The following SORCS2 variants were observed in gnomAD, a reference collection of about 807,000 sequenced individuals.
SORCS2 encodes the protein sortilin related VPS10 domain containing receptor 2, also known as VPS10 domain-containing receptor SorCS2.
SORCS2 carries 100 observed loss-of-function variants against 141.6 expected under a neutral mutation model. That is an observed-to-expected ratio of 0.71 (90% CI 0.60 to 0.83). The LOEUF is 0.83. Among genes scored for constraint, SORCS2 ranks in the 40% least tolerant of loss-of-function variants. SORCS2 has a pLI of 0.00. For synonymous variants in SORCS2, 789 were observed against 676.9 expected, an observed-to-expected ratio of 1.17 and a Z score of -2.57; for missense variants, 1,646 against 1,560.2, an observed-to-expected ratio of 1.05 and a Z score of -0.93.
intron 1 of SORCS2, among the ~76,000 whole-genome samples, chr4:7,349,714 T>G (rs1453549893): frequency 6.6e-6 from 1 of 152,204 alleles, no homozygotes; most frequent in Non-Finnish European, 1.5e-5. Context: ...GCCCAGGTGC[T>G]GCGGAGGTCC....
chr4:7,245,675 G>A (rs933814117), intron 1 of SORCS2, among the ~76,000 whole-genome samples: 2 of 152,274 alleles, frequency 1.3e-5, no homozygotes, highest in East Asian at 1.9e-4. Context: ...TGTTATGGTC[G>A]CCCCCAGCTC....
chr4:7,327,379 G>T (rs1017245144), intron 1 of SORCS2, among the ~76,000 whole-genome samples: 2 of 152,216 alleles, frequency 1.3e-5, no homozygotes, highest in South Asian at 4.1e-4. Context: ...GCCCCTCCCT[G>T]TGTGTCTCTG....
At chr4:7,658,644 C>G (rs1309918539) in intron 5 of SORCS2, among the ~76,000 whole-genome samples, 1 of 152,196 alleles carries the variant, frequency 6.6e-6, no homozygotes, top group Non-Finnish European at 1.5e-5. Flanking sequence ...AGGGGAGTCC[C>G]AGCTGGCTCC....
intron 3 of SORCS2, among the ~76,000 whole-genome samples, chr4:7,628,162 A>G (rs1188336250): frequency 6.6e-6 from 1 of 152,198 alleles, no homozygotes; most frequent in African/African-American, 2.4e-5. Flanking sequence ...TGGGGCTTAG[A>G]AGGGCTGAGA....
chr4:7,643,732 T>G (rs1720881066), intron 4 of SORCS2, among the ~76,000 whole-genome samples: 1 of 152,180 alleles, frequency 6.6e-6, no homozygotes, highest in Non-Finnish European at 1.5e-5. Context: ...TTGATCCATA[T>G]TAAAGAAATA....
chr4:7,732,852 C>T (rs549888748), intron 23 of SORCS2, among the ~76,000 whole-genome samples: 3 of 152,234 alleles, frequency 2.0e-5, no homozygotes, highest in East Asian at 1.9e-4. Context: ...TGATTATTCC[C>T]GTGGTACAAA....
At chr4:7,696,756 C>T (rs1414205583) in intron 11 of SORCS2, among the ~76,000 whole-genome samples, 1 of 152,244 alleles carries the variant, frequency 6.6e-6, no homozygotes, top group Non-Finnish European at 1.5e-5. Context: ...CTCTCCTGCA[C>T]CTGCCTCTGG....
intron 3 of SORCS2, among the ~76,000 whole-genome samples, chr4:7,582,083 C>T (rs2108760144): frequency 6.6e-6 from 1 of 152,244 alleles, no homozygotes; most frequent in South Asian, 2.1e-4. Context: ...TTTTTGTGGT[C>T]ACCTACCACT....
intron 3 of SORCS2, among the ~76,000 whole-genome samples, chr4:7,574,318 C>A (rs1002496629): frequency 6.6e-6 from 1 of 152,188 alleles, no homozygotes; most frequent in African/African-American, 2.4e-5. Flanking sequence ...AGATGGACTG[C>A]AGTGAAGAGA....
intron 2 of SORCS2, among the ~76,000 whole-genome samples, chr4:7,530,626 T>A (rs1711562132): frequency 6.6e-6 from 1 of 152,224 alleles, no homozygotes; most frequent in Admixed American, 6.5e-5. Context: ...GCAATCCCAG[T>A]ATATTTTAAT....
chr4:7,724,329 GGTGA>G, intron 19 of SORCS2, among the ~76,000 whole-genome samples: 1 of 102,498 alleles, frequency 9.8e-6, no homozygotes, highest in African/African-American at 4.2e-5. Context: ...GTGGTGATAG[GGTGA>G]TGGTGATGAT....
chr4:7,416,642 GCA>G lies in SORCS2; in HGVS notation c.548+20294_548+20295del, dbSNP rs571737037. On this transcript the variant is annotated intron_variant, in intron 2 of 26. Transcript: ENST00000507866. ...CGCATATGGACACATTCACACACAA[GCA>G]CACACATGCATGCATGCACACACTT... Among the ~76,000 whole-genome samples, 998 of 151,854 alleles carry G rather than the reference GCA, an allele frequency of 6.6e-3. 10 individuals are homozygous for G. Among genetic ancestry groups the G allele is most frequent in the African/African-American group, 0.023 (950 of 41,346 alleles).
chr4:7,394,607 G>C (rs1451461204), intron 1 of SORCS2, among the ~76,000 whole-genome samples: 1 of 151,964 alleles, frequency 6.6e-6, no homozygotes, highest in African/African-American at 2.4e-5. Flanking sequence ...GGGTGGACTG[G>C]TGGGGACTCT....
intron 4 of SORCS2, among the ~76,000 whole-genome samples, chr4:7,640,054 AGTGT>A (rs371319347): frequency 2.7e-4 from 21 of 77,056 alleles, no homozygotes; most frequent in Admixed American, 1.4e-3. Context: ...TGAGAGTGTG[AGTGT>A]GTGTGTTTAT....
intron 4 of SORCS2, 54 bp from the exon 5 acceptor site, chr4:7,654,080 C>G: frequency 6.9e-7 from 1 of 1,458,514 alleles, no homozygotes. Flanking sequence ...CTCTCAGAAG[C>G]AGCTTATTCC....
rs565381855 is a variant in SORCS2 at position 7,657,529 on chromosome 4, TTGAG to T, written c.887+3326_887+3329del. ...TGAATGAGTAAATAGCTGAGTGTGATTGAGTGAAAGAATGAATGAGTGAATGAAT... is the reference window on the plus strand; with the variant it reads ...TGAATGAGTAAATAGCTGAGTGTGATTGAAAGAATGAATGAGTGAATGAAT... On this transcript the variant is annotated intron_variant, in intron 5 of 26. Coordinates refer to ENST00000507866, the MANE Select transcript of SORCS2 (RefSeq NM_020777.3). Among the ~76,000 whole-genome samples, 284 of 151,986 alleles carry T rather than the reference TTGAG, an allele frequency of 1.9e-3. 3 individuals are homozygous for T. Among genetic ancestry groups the T allele is most frequent in the African/African-American group, 6.3e-3 (261 of 41,458 alleles).
At chr4:7,688,440 T>C (rs753640485) in intron 10 of SORCS2, among the ~76,000 whole-genome samples, 10 of 152,334 alleles carry the variant, frequency 6.6e-5, no homozygotes, top group South Asian at 2.1e-4. Context: ...GCAAATACAA[T>C]GTTTACCATT....
intron 2 of SORCS2, among the ~76,000 whole-genome samples, chr4:7,430,059 C>T (rs569291039): frequency 1.9e-4 from 29 of 152,104 alleles, no homozygotes; most frequent in Non-Finnish European, 3.7e-4. Context: ...AGGCCCGCTT[C>T]TCGTTGTAAG....
At chr4:7,382,826 G>T (rs1006311552) in intron 1 of SORCS2, among the ~76,000 whole-genome samples, 1 of 152,196 alleles carries the variant, frequency 6.6e-6, no homozygotes, top group South Asian at 2.1e-4. Flanking sequence ...AAACAGCTGC[G>T]GGGCCCACGC....
Sources: gnomAD v4.1 joint callset for allele counts (sites outside exome capture counted in the v4.1 genomes callset) on GRCh38, gnomAD v4.1.1 for gene constraint, MANE v1.5 for transcripts, NCBI Gene and HGNC (gene_info 2026-07-23, HGNC 2026-07-21) for gene names.